Variants in FAM13C observed in about 807,000 individuals in gnomAD.
The protein encoded by FAM13C is family with sequence similarity 13 member C, also known as protein FAM13C.
In FAM13C, 37 loss-of-function variants were observed where a neutral mutation model predicts 73.2. That is an observed-to-expected ratio of 0.51 (90% confidence interval 0.39 to 0.67). FAM13C has a LOEUF of 0.67. Among genes scored for constraint, FAM13C ranks in the 30% least tolerant of loss-of-function variants. FAM13C has a pLI of 0.00. For synonymous variants in FAM13C, 246 were observed against 260.9 expected (o/e 0.94, Z 0.55); for missense variants, 589 against 715.6 (o/e 0.82, Z 2.02).
chr10:59,268,675 G>A lies in FAM13C; in HGVS notation c.820C>T (p.Arg274Cys), dbSNP rs375361029. 39 of 1,612,452 alleles carry A rather than the reference G, an allele frequency of 2.4e-5. No individual in the cohort carries two copies. Among genetic ancestry groups the A allele is most frequent in the Non-Finnish European group, 3.1e-5 (36 of 1,179,640 alleles). The change falls in exon 8 of 14, where the codon CGC becomes TGC. Residue 274 changes from arginine to cysteine, a missense_variant. Coordinates refer to ENST00000618804, the MANE Select transcript of FAM13C (RefSeq NM_198215.4). The part of the protein sequence containing the change: ...QQFMMPRSSS[R>C]CSCGDGKEPQ... Reference sequence around the variant, plus strand: ...TCCTTGCCATCTCCACAGCTGCAGCGTGAAGAACTCCGCGGCCTGCAGTGA... The same window carrying A: ...TCCTTGCCATCTCCACAGCTGCAGCATGAAGAACTCCGCGGCCTGCAGTGA...
At chr10:59,293,138 A>G (rs1393137802) in intron 5 of FAM13C, among the ~76,000 whole-genome samples, 2 of 135,590 alleles carry the variant, frequency 1.5e-5, no homozygotes, top group African/African-American at 2.8e-5. Context: ...CAGTGGTGCA[A>G]TCTCAGCTCA....
intron 13 of FAM13C, among the ~76,000 whole-genome samples, chr10:59,250,148 T>C (rs1327702263): frequency 1.3e-5 from 2 of 152,134 alleles, no homozygotes; most frequent in Non-Finnish European, 2.9e-5. Context: ...AAAATTCCCA[T>C]AGAATACCTT....
rs552516206 is a variant in FAM13C at position 59,281,112 on chromosome 10, A to C, written c.592+2251T>G. Among the ~76,000 whole-genome samples, 76 of 152,336 alleles carry C rather than the reference A, an allele frequency of 5.0e-4. 1 individual carries two copies. The South Asian group carries it at 0.015, about 30-fold the overall frequency. On this transcript the variant is annotated intron_variant, in intron 6 of 13. Coordinates refer to ENST00000618804, the MANE Select transcript of FAM13C (RefSeq NM_198215.4). Reference sequence around the variant, plus strand: ...GATAATGCTAGATGTTAAGAAAGAGAAAACTGTTTATAAGTTACTATAATC... The same window carrying C: ...GATAATGCTAGATGTTAAGAAAGAGCAAACTGTTTATAAGTTACTATAATC...
At chr10:59,342,565 G>T (rs1181456524) in intron 3 of FAM13C, among the ~76,000 whole-genome samples, 1 of 152,002 alleles carries the variant, frequency 6.6e-6, no homozygotes, top group African/African-American at 2.4e-5. Flanking sequence ...AGTAATTTAC[G>T]TAAGTATACC....
intron 6 of FAM13C, among the ~76,000 whole-genome samples, chr10:59,275,201 C>T (rs557685234): frequency 1.3e-5 from 2 of 152,216 alleles, no homozygotes; most frequent in South Asian, 2.1e-4. Context: ...TCGATGTGGG[C>T]GGTACCTTTA....
At chr10:59,324,335 T>C (rs1850790465) in intron 3 of FAM13C, among the ~76,000 whole-genome samples, 1 of 152,120 alleles carries the variant, frequency 6.6e-6, no homozygotes. Flanking sequence ...ATAAATCTTA[T>C]GTCCAAAAGA....
intron 6 of FAM13C, among the ~76,000 whole-genome samples, chr10:59,277,849 G>A (rs142724720): frequency 8.9e-4 from 136 of 152,322 alleles, no homozygotes; most frequent in African/African-American, 3.0e-3. Flanking sequence ...TGGAGTCAGA[G>A]TGGGGAAAGC....
intron 4 of FAM13C, among the ~76,000 whole-genome samples, chr10:59,308,198 G>A (rs284581): frequency 0.72 from 109,226 of 152,072 alleles, 41,190 homozygotes; most frequent in East Asian, 0.89. Flanking sequence ...TCCAGTGTAA[G>A]CTTGTCCTCT....
rs780634051 is a variant in FAM13C, at chr10:59,352,420, G to GTGCTC, written c.169_173dup (p.His58GlnfsTer15). Reference sequence around the variant, plus strand: ...GCTGCGGCTCCCAAGAGGGCGGCGCGTGCTCTTCTACCAGAGCCCCTGCGT... The same window carrying GTGCTC: ...GCTGCGGCTCCCAAGAGGGCGGCGCGTGCTCTGCTCTTCTACCAGAGCCCCTGCGT... On this transcript the variant is annotated frameshift_variant, in exon 3 of 14. Transcript: ENST00000618804. LOFTEE classifies it high-confidence loss of function. The GTGCTC allele has an allele frequency of 6.2e-7, 1 of 1,613,688 alleles. No homozygotes were observed. Among genetic ancestry groups the GTGCTC allele is most frequent in the South Asian group, 1.1e-5 (1 of 91,050 alleles).
At chr10:59,249,479 G>A (rs554758170) in intron 13 of FAM13C, among the ~76,000 whole-genome samples, 45 of 150,124 alleles carry the variant, frequency 3.0e-4, no homozygotes, top group African/African-American at 1.1e-3. Context: ...TCCTGAAGGA[G>A]TTTCTCCATT....
chr10:59,322,988 C>A (rs937656241), intron 4 of FAM13C, among the ~76,000 whole-genome samples: 3 of 152,188 alleles, frequency 2.0e-5, no homozygotes, highest in African/African-American at 7.2e-5. Flanking sequence ...AGCACCTTAC[C>A]TTTGAGGTCC....
At chr10:59,272,108 T>TA (rs1843782925) in intron 6 of FAM13C, among the ~76,000 whole-genome samples, 1 of 152,318 alleles carries the variant, frequency 6.6e-6, no homozygotes, top group South Asian at 2.1e-4. Flanking sequence ...AATGGCTTTT[T>TA]AAAAAACTGC....
chr10:59,264,431 G>A (rs938583602), intron 8 of FAM13C, among the ~76,000 whole-genome samples: 5 of 152,016 alleles, frequency 3.3e-5, no homozygotes, highest in African/African-American at 1.2e-4. Flanking sequence ...AATGTGCCTG[G>A]TCACCTAACA....
rs147748579 is a variant in FAM13C, at chr10:59,332,534, G to A, written c.325-8428C>T. Among the ~76,000 whole-genome samples the A allele has an allele frequency of 2.0e-5, 3 of 152,072 alleles. No individual in the cohort carries two copies. The East Asian group carries it at 5.8e-4, about 29-fold the overall frequency. ...TTTCATAATGCAATGAAATGCTAAA[G>A]AATTTTAACTCCATAAGGAAAATCA... On this transcript the variant is annotated intron_variant, in intron 3 of 13. Transcript: ENST00000618804.
intron 9 of FAM13C, 40 bp from the exon 10 acceptor site, chr10:59,262,685 C>A (rs749427683): frequency 2.0e-6 from 3 of 1,533,274 alleles, no homozygotes; most frequent in Non-Finnish European, 2.7e-6. Context: ...CAAAGAGAAC[C>A]CACTAGTTCT....
chr10:59,328,762 T>C (rs1486160089), intron 3 of FAM13C, among the ~76,000 whole-genome samples: 1 of 152,244 alleles, frequency 6.6e-6, no homozygotes, highest in South Asian at 2.1e-4. Context: ...AATGGTTCTG[T>C]AGCTTAATCA....
Position 59,247,569 on chromosome 10 carries a change from T to C in FAM13C, c.*45A>G. 1 of 1,610,410 alleles carries C rather than the reference T, an allele frequency of 6.2e-7. No homozygotes were observed. Among genetic ancestry groups the C allele is most frequent in the South Asian group, 1.1e-5 (1 of 90,278 alleles). Reference sequence around the variant, plus strand: ...CAAGGATGGCAGAGGAAAATAAACTTTACTTTATATCATGGGTGAAAGTGA... The same window carrying C: ...CAAGGATGGCAGAGGAAAATAAACTCTACTTTATATCATGGGTGAAAGTGA... On this transcript the variant is annotated 3_prime_UTR_variant, in exon 14 of 14. Coordinates refer to ENST00000618804, the MANE Select transcript of FAM13C (RefSeq NM_198215.4).
chr10:59,357,099 A>T (rs1012655300), intron 1 of FAM13C, among the ~76,000 whole-genome samples: 1 of 152,124 alleles, frequency 6.6e-6, no homozygotes, highest in Non-Finnish European at 1.5e-5. Context: ...TGGGACTCAA[A>T]CTAGCTTCCT....
intron 5 of FAM13C, among the ~76,000 whole-genome samples, chr10:59,290,545 C>A (rs1846100625): frequency 6.6e-6 from 1 of 152,184 alleles, no homozygotes; most frequent in Admixed American, 6.5e-5. Context: ...TTCACCTGCT[C>A]TCTGCCCCCT....
Sources: allele counts gnomAD v4.1 joint callset (sites outside exome capture counted in the v4.1 genomes callset), GRCh38; gene constraint gnomAD v4.1.1; transcripts MANE v1.5; gene names NCBI Gene and HGNC (gene_info 2026-07-23, HGNC 2026-07-21).